The following TENM2 variants were observed in gnomAD, a reference collection of about 807,000 sequenced individuals.
TENM2 encodes the protein teneurin-2.
A neutral mutation model predicts 245.2 loss-of-function variants in TENM2; 52 were observed. The observed-to-expected ratio is 0.21, with a 90% CI of 0.17 to 0.27. The LOEUF (loss-of-function observed/expected upper bound fraction) is 0.27. TENM2 is among the 10% of genes least tolerant of loss of function. The pLI is 1.00. For missense variants in TENM2, 3,046 were observed against 3,666.8 expected (o/e 0.83, Z 4.37); for synonymous variants, 1,363 against 1,438.9 (o/e 0.95, Z 1.19).
intron 12 of TENM2, among the ~76,000 whole-genome samples, chr5:168,136,488 C>G (rs1022544728): frequency 1.3e-5 from 2 of 152,232 alleles, no homozygotes; most frequent in African/African-American, 4.8e-5. Flanking sequence ...TGTGTTCCCC[C>G]GTGCCAGCAG....
chr5:167,486,804 A>G (rs1768104482), intron 2 of TENM2, among the ~76,000 whole-genome samples: 2 of 152,174 alleles, frequency 1.3e-5, no homozygotes, highest in Admixed American at 1.3e-4. Flanking sequence ...CCATCACTAC[A>G]TGCTTGCTCT....
At chr5:167,098,300 A>G in the TENM2 span, among the ~76,000 whole-genome samples, 1 of 152,220 alleles carries the variant, frequency 6.6e-6, no homozygotes, top group African/African-American at 2.4e-5. Context: ...TAATCGTATA[A>G]TCACCCATTT....
intron 9 of TENM2, among the ~76,000 whole-genome samples, chr5:168,106,202 T>C (rs1480111487): frequency 6.6e-6 from 1 of 152,180 alleles, no homozygotes; most frequent in African/African-American, 2.4e-5. Context: ...GTCTTCTCTC[T>C]GGGGGTTGGT....
At chr5:167,917,752 G>T (rs769506094) in intron 3 of TENM2, among the ~76,000 whole-genome samples, 2 of 152,154 alleles carry the variant, frequency 1.3e-5, no homozygotes, top group African/African-American at 4.8e-5. Flanking sequence ...ACTGAAAGGG[G>T]TCTCACACTT....
chr5:168,046,051 A>T (rs187196555), intron 5 of TENM2, among the ~76,000 whole-genome samples: 1 of 152,308 alleles, frequency 6.6e-6, no homozygotes, highest in East Asian at 1.9e-4. Flanking sequence ...TCTAAGATGG[A>T]GAAGAGTGTA....
chr5:167,774,924 T>C (rs544853569), intron 2 of TENM2, among the ~76,000 whole-genome samples: 1 of 152,300 alleles, frequency 6.6e-6, no homozygotes, highest in Non-Finnish European at 1.5e-5. Flanking sequence ...AATTTGCAAG[T>C]TGTCCAAGGT....
intron 1 of TENM2, among the ~76,000 whole-genome samples, chr5:167,363,997 A>G (rs996804454): frequency 6.6e-6 from 1 of 152,122 alleles, no homozygotes; most frequent in African/African-American, 2.4e-5. Flanking sequence ...AAGCACAATT[A>G]AAGAAATAAT....
chr5:167,998,506 G>A (rs1489464453), intron 5 of TENM2, among the ~76,000 whole-genome samples: 1 of 152,130 alleles, frequency 6.6e-6, no homozygotes, highest in Non-Finnish European at 1.5e-5. Context: ...CAAGAGTTCG[G>A]CATGACATGG....
the TENM2 span, among the ~76,000 whole-genome samples, chr5:167,239,544 G>A: frequency 2.0e-5 from 3 of 151,988 alleles, no homozygotes; most frequent in Non-Finnish European, 4.4e-5. Context: ...GTCGGAACTG[G>A]GTACCTATGT....
At chr5:167,271,329 T>C in the TENM2 span, among the ~76,000 whole-genome samples, 1 of 152,002 alleles carries the variant, frequency 6.6e-6, no homozygotes, top group African/African-American at 2.4e-5. Flanking sequence ...TGGGTCTGCA[T>C]GTGGGGAAGG....
chr5:168,077,066 T>G (rs1791541281), intron 7 of TENM2, among the ~76,000 whole-genome samples: 1 of 152,222 alleles, frequency 6.6e-6, no homozygotes, highest in Admixed American at 6.5e-5. Flanking sequence ...TGTCTCAGTT[T>G]CCTCATATGC....
chr5:167,301,831 G>A (rs2127737399), intron 1 of TENM2, among the ~76,000 whole-genome samples: 1 of 152,238 alleles, frequency 6.6e-6, no homozygotes, highest in African/African-American at 2.4e-5. Context: ...GTAAATTGCT[G>A]GGCAGGTGGG....
chr5:167,476,799 A>C (rs577827285), intron 2 of TENM2, among the ~76,000 whole-genome samples: 1 of 152,064 alleles, frequency 6.6e-6, no homozygotes, highest in Non-Finnish European at 1.5e-5. Context: ...GGTTTTCACC[A>C]TGTTGGCCAG....
At chr5:167,389,591 G>T (rs1761641309) in intron 2 of TENM2, among the ~76,000 whole-genome samples, 1 of 151,934 alleles carries the variant, frequency 6.6e-6, no homozygotes, top group Non-Finnish European at 1.5e-5. Flanking sequence ...TATTTTAGTT[G>T]CAGTAAAGAG....
At position 167,370,504 on chromosome 5, in the gene TENM2, A is replaced by G. The variant is rs537936554; in HGVS notation, c.227-4694A>G. Among the ~76,000 whole-genome samples, 7 of 152,360 alleles carry G rather than the reference A, an allele frequency of 4.6e-5. No individual in the cohort carries two copies. In the South Asian group the frequency reaches 1.2e-3, roughly 27 times the overall value. ...TTTGATCACTGAACAGTTTTTAGAC[A>G]TTAACATTCTCTCCCAACCTTAAAT... On this transcript the variant is annotated intron_variant, in intron 1 of 28. Transcript: ENST00000518659.
rs537894539 is a variant in TENM2 at position 167,615,358 on chromosome 5, G to A, written c.502+239885G>A. On this transcript the variant is annotated intron_variant, in intron 2 of 28. Coordinates refer to ENST00000518659, the Ensembl canonical transcript of TENM2. The stretch of plus-strand genomic sequence containing the variant: ...TGTTGATGTCTTTTAGAATGCAGGT[G>A]TTATTTCTGTTGTTGGTTGGTTGTT... Among the ~76,000 whole-genome samples, 44 of 152,162 alleles carry A rather than the reference G, an allele frequency of 2.9e-4. 1 individual carries two copies. The highest frequency in any genetic ancestry group is 1.1e-3 in the Admixed American group (17 of 15,276).
Position 167,912,882 on chromosome 5 carries a change from A to G in TENM2, c.712+36687A>G, listed in dbSNP as rs78095478. ...CTTAATGTACACATTTTGTCCATCA[A>G]TATTCCTTGTGCCAGCCACTGGTAC... On this transcript the variant is annotated intron_variant, in intron 3 of 28. Coordinates refer to ENST00000518659, the Ensembl canonical transcript of TENM2. 5.5e-3 allele frequency among the ~76,000 whole-genome samples: 834 copies of G among 152,266 alleles called. 3 individuals carry two copies. Among genetic ancestry groups the G allele is most frequent in the East Asian group, 9.8e-3 (51 of 5,184 alleles).
intron 2 of TENM2, among the ~76,000 whole-genome samples, chr5:167,447,794 C>G (rs1403611023): frequency 1.3e-5 from 2 of 152,174 alleles, no homozygotes; most frequent in Admixed American, 6.5e-5. Context: ...CCCATGCTGT[C>G]TTTCTTAATG....
At chr5:167,701,495 GAGA>G (rs1435725011) in intron 2 of TENM2, among the ~76,000 whole-genome samples, 1 of 151,966 alleles carries the variant, frequency 6.6e-6, no homozygotes, top group East Asian at 1.9e-4. Context: ...ACGTTCCAGT[GAGA>G]AGAAGAAAAC....
Sources: allele counts gnomAD v4.1 joint callset (sites outside exome capture counted in the v4.1 genomes callset), GRCh38; gene constraint gnomAD v4.1.1; transcripts MANE v1.5; gene names NCBI Gene and HGNC (gene_info 2026-07-23, HGNC 2026-07-21).